The following AIFM2 variants were observed in gnomAD, a reference collection of about 807,000 sequenced individuals.
AIFM2 encodes the protein AIF family member 2, ferroptosis suppressor.
In AIFM2, 38 loss-of-function variants were observed where a neutral mutation model predicts 35.7. The observed-to-expected ratio is 1.06, with a 90% CI of 0.82 to 1.39. AIFM2 has a LOEUF of 1.39. Among genes scored for constraint, AIFM2 ranks in the 40% most tolerant of loss-of-function variants. The probability of loss-of-function intolerance (pLI) is 0.00; values close to 1 mark genes in which losing one functional copy is unlikely to be tolerated. For synonymous variants in AIFM2, 185 were observed against 203.5 expected, an observed-to-expected ratio of 0.91 and a Z score of 0.77; for missense variants, 476 against 491.2, an observed-to-expected ratio of 0.97 and a Z score of 0.29.
chr10:70,127,955 CCAG>C (rs2072586879), intron 1 of AIFM2, among the ~76,000 whole-genome samples: 1 of 152,240 alleles, frequency 6.6e-6, no homozygotes, highest in African/African-American at 2.4e-5. Flanking sequence ...CAGTGACTCT[CCAG>C]CAGATTTCAC....
chr10:70,118,672 G>T (rs1308563458), intron 5 of AIFM2, among the ~76,000 whole-genome samples: 1 of 152,184 alleles, frequency 6.6e-6, no homozygotes, highest in Non-Finnish European at 1.5e-5. Context: ...TGTGAAATAA[G>T]AAGAAAAGTA....
intron 8 of AIFM2, 55 bp from the exon 9 acceptor site, chr10:70,114,384 A>C (rs2072409945): frequency 6.2e-7 from 1 of 1,607,566 alleles, no homozygotes; most frequent in Non-Finnish European, 8.5e-7. Flanking sequence ...CTGGGGCTGC[A>C]CCTCCCAGAG....
chr10:70,114,246 G>A lies in AIFM2; in HGVS notation c.1054C>T (p.Arg352Trp), dbSNP rs376606751. 3.2e-5 allele frequency: 52 copies of A among 1,613,656 alleles called. No homozygotes were observed. Among genetic ancestry groups the A allele is most frequent in the Non-Finnish European group, 4.2e-5 (49 of 1,179,976 alleles). Residue 352 changes from arginine (R) to tryptophan (W), a missense_variant, in exon 9 of 9, where the codon CGG becomes TGG. Transcript: ENST00000307864. ...AACAGGTCCCGGCTCTTGGTCAGCC[G>A]AACCATGAGCCGGCCCACATAGAAG... is the stretch of plus-strand genomic sequence containing the variant. ...SGFYVGRLMV[R>W]LTKSRDLFVS...
At position 70,131,293 on chromosome 10, in the gene AIFM2, T is replaced by C. The variant is rs556956541; in HGVS notation, c.-14+1441A>G. Among the ~76,000 whole-genome samples the C allele has an allele frequency of 6.6e-6, 1 of 152,282 alleles. No homozygotes were observed. The highest frequency in any genetic ancestry group is 6.5e-5 in the Admixed American group (1 of 15,304). The stretch of plus-strand genomic sequence containing the variant: ...ACATTCCCAGAGTGGCCGTCCCGGA[T>C]AAGAAGGCCACTACAGCACGACTCA... On this transcript the variant is annotated intron_variant, in intron 1 of 8. Coordinates refer to ENST00000307864, the MANE Select transcript of AIFM2 (RefSeq NM_032797.6). The surrounding 1 kb of genome is among the most constrained non-coding windows in gnomAD (Gnocchi z 4.1).
intron 8 of AIFM2, 38 bp downstream of exon 8, chr10:70,114,881 AC>A (rs1442733091): frequency 2.5e-6 from 4 of 1,604,794 alleles, no homozygotes; most frequent in Admixed American, 1.7e-5. Flanking sequence ...TTAACCCCAA[AC>A]TCTATTAAAA....
chr10:70,132,396 C>A lies in AIFM2; in HGVS notation c.-14+338G>T, dbSNP rs542659673. ...CGGTCCTCGCAAGATCCGGGTTACA[C>A]CCGCCCCGTGTTCCCTCTTCCCCGG... On this transcript the variant is annotated intron_variant, in intron 1 of 8. Transcript: ENST00000307864. Among the ~76,000 whole-genome samples the A allele has an allele frequency of 1.4e-4, 22 of 152,372 alleles. No homozygotes were observed. In the East Asian group the frequency reaches 4.2e-3, roughly 29 times the overall value.
chr10:70,127,228 T>A (rs2072577895), intron 1 of AIFM2, among the ~76,000 whole-genome samples: 1 of 152,128 alleles, frequency 6.6e-6, no homozygotes, highest in African/African-American at 2.4e-5. Flanking sequence ...AGGGATGAGG[T>A]CAAGAAAACA....
chr10:70,127,981 G>A (rs1228900094), intron 1 of AIFM2, among the ~76,000 whole-genome samples: 2 of 152,180 alleles, frequency 1.3e-5, no homozygotes, highest in Non-Finnish European at 2.9e-5. Context: ...TGCCTCTTTG[G>A]CAGCCCCTTG....
chr10:70,115,474 A>C (rs2072425487), intron 7 of AIFM2, among the ~76,000 whole-genome samples: 1 of 152,232 alleles, frequency 6.6e-6, no homozygotes, highest in African/African-American at 2.4e-5. Context: ...GAGATTTTAA[A>C]AATAAATGCA....
In AIFM2 at chr10:70,117,918, G is replaced by T; in HGVS notation, c.510C>A (p.Val170=). Residue 170 remains valine (V), a splice_region_variant and synonymous_variant, in exon 6 of 9, where the codon GTC becomes GTA. Coordinates refer to ENST00000307864, the MANE Select transcript of AIFM2 (RefSeq NM_032797.6). The surrounding 1 kb of genome is among the most constrained non-coding windows in gnomAD (Gnocchi z 4.7). The stretch of plus-strand genomic sequence containing the variant: ...GGGCCACTTGGGAGTGAATGAGAGT[G>T]ACCTGAGGACAAAACGACCACAGGG... ...EIKTEYPEKE[V]TLIHSQVALA... 1 of 1,606,826 alleles carries T rather than the reference G, an allele frequency of 6.2e-7. No homozygotes were observed. The highest frequency in any genetic ancestry group is 8.5e-7 in the Non-Finnish European group (1 of 1,176,800).
At position 70,123,456 on chromosome 10, in the gene AIFM2, T is replaced by C. The variant is rs1430991119; in HGVS notation, c.243A>G (p.Leu81=). 2.5e-6 allele frequency: 4 copies of C among 1,614,036 alleles called. No homozygotes were observed. In the South Asian group the frequency reaches 3.3e-5, roughly 13 times the overall value. ...VTFKDNFRQG[L]VVGIDLKNQM... is the part of the protein sequence containing the mutation. ...GGTTCTTCAGGTCTATCCCCACTAC[T>C]AGCCCCTGCCGGAAGTTGTCCTTGA... Residue 81 remains leucine (L), a synonymous_variant, in exon 3 of 9, where the codon CTA becomes CTG. Transcript: ENST00000307864.
chr10:70,124,642 A>C (rs1030076429), intron 1 of AIFM2, among the ~76,000 whole-genome samples: 1 of 152,212 alleles, frequency 6.6e-6, no homozygotes, highest in African/African-American at 2.4e-5. Context: ...AAAGTCAAAG[A>C]ACCAGGTGGG....
chr10:70,118,099 T>G lies in AIFM2; in HGVS notation c.508-179A>C, dbSNP rs961900906. ...GTGGTGAGCTGGGCTTAAGCCCACA[T>G]GTTCTAGACTAGGACTCTTTCAGTA... On this transcript the variant is annotated intron_variant, in intron 5 of 8. Transcript: ENST00000307864. 7.2e-6 allele frequency: 4 copies of G among 556,656 alleles called. No individual in the cohort carries two copies. In the African/African-American group the frequency reaches 7.9e-5, roughly 11 times the overall value. 34.5% of individuals were successfully genotyped at this position (556,656 alleles called of 1,614,324 possible). A position where few individuals can be genotyped will look rare whatever the true frequency, so the allele number is the denominator to read the frequency against.
intron 7 of AIFM2, among the ~76,000 whole-genome samples, chr10:70,115,464 G>A (rs2072425422): frequency 6.6e-6 from 1 of 152,212 alleles, no homozygotes; most frequent in Non-Finnish European, 1.5e-5. Flanking sequence ...GAATGTAAGT[G>A]AGATTTTAAA....
rs149630924 is a variant in AIFM2 at position 70,125,772 on chromosome 10, C to T, written c.-13-1675G>A. Among the ~76,000 whole-genome samples the T allele has an allele frequency of 2.8e-4, 42 of 152,284 alleles. No homozygotes were observed. The East Asian group carries it at 6.4e-3, about 23-fold the overall frequency. ...AGGCATGAACCACTGCACCCAGTCC[C>T]CATTTCTTTGTATGACCTCAAGATG... On this transcript the variant is annotated intron_variant, in intron 1 of 8. Coordinates refer to ENST00000307864, the MANE Select transcript of AIFM2 (RefSeq NM_032797.6).
At position 70,121,185 on chromosome 10, in the gene AIFM2, C is replaced by T. The variant is rs1339608012; in HGVS notation, c.321G>A (p.Leu107=). The change falls in exon 4 of 9, where the codon CTG becomes CTA. Residue 107 remains leucine (L), a synonymous_variant. Transcript: ENST00000307864. ...GEALPFSHLI[L]ATGSTGPFPG... ...GGAAGGGCCCAGTGCTGCCCGTGGCCAGGATAAGATGAGAGAAGGGCAGGG... is the reference window on the plus strand; with the variant it reads ...GGAAGGGCCCAGTGCTGCCCGTGGCTAGGATAAGATGAGAGAAGGGCAGGG... 1 of 1,517,686 alleles carries T rather than the reference C, an allele frequency of 6.6e-7. No homozygotes were observed. The highest frequency in any genetic ancestry group is 8.9e-7 in the Non-Finnish European group (1 of 1,125,842). 94.0% of individuals were successfully genotyped at this position (1,517,686 alleles called of 1,614,324 possible). A position where few individuals can be genotyped will look rare whatever the true frequency, so the allele number is the denominator to read the frequency against.
Position 70,131,981 on chromosome 10 carries a change from A to G in AIFM2, c.-14+753T>C, listed in dbSNP as rs2072631588. ...CTCTCTGCCCTATGCCTGTCCTCCT[A>G]CAGGATCATCAGCCCCCAAGAGACC... On this transcript the variant is annotated intron_variant, in intron 1 of 8. Coordinates refer to ENST00000307864, the MANE Select transcript of AIFM2 (RefSeq NM_032797.6). This position sits in a 1 kb window ranked among gnomAD's most constrained non-coding sequence, Gnocchi z 4.1. Among the ~76,000 whole-genome samples, 1 of 152,150 alleles carries G rather than the reference A, an allele frequency of 6.6e-6. No individual in the cohort carries two copies. Among genetic ancestry groups the G allele is most frequent in the African/African-American group, 2.4e-5 (1 of 41,438 alleles).
intron 5 of AIFM2, among the ~76,000 whole-genome samples, chr10:70,119,663 C>G (rs1248084128): frequency 6.6e-6 from 1 of 152,184 alleles, no homozygotes. Flanking sequence ...CAGAGAACAG[C>G]CATATAATTA....
At chr10:70,130,582 T>C (rs2072617595) in intron 1 of AIFM2, among the ~76,000 whole-genome samples, 1 of 152,228 alleles carries the variant, frequency 6.6e-6, no homozygotes. Flanking sequence ...TGACGGGCAC[T>C]TGGGTTGTTT....
Sources: allele counts gnomAD v4.1 joint callset (sites outside exome capture counted in the v4.1 genomes callset), GRCh38; gene constraint gnomAD v4.1.1; non-coding constraint Gnocchi (gnomAD v3.1); transcripts MANE v1.5; gene names NCBI Gene and HGNC (gene_info 2026-07-23, HGNC 2026-07-21).